The following BLTP3A variants were observed in gnomAD, a reference collection of about 807,000 sequenced individuals.
BLTP3A encodes bridge-like lipid transfer protein family member 3A.
the BLTP3A span, among the ~76,000 whole-genome samples, chr6:34,812,630 A>G: frequency 4.7e-4 from 72 of 151,870 alleles, no homozygotes; most frequent in African/African-American, 1.7e-3. Flanking sequence ...CATCCAGCTA[A>G]TTAATTTTTT....
the BLTP3A span, among the ~76,000 whole-genome samples, chr6:34,826,997 T>C: frequency 2.5e-3 from 387 of 152,166 alleles, 1 homozygote; most frequent in African/African-American, 8.2e-3. Context: ...TGTCCAATGC[T>C]AGGAAAAAGG....
chr6:34,857,512 T>A, the BLTP3A span: 1 of 1,597,004 alleles, frequency 6.3e-7, no homozygotes, highest in Non-Finnish European at 8.5e-7. Flanking sequence ...AGCTCATGCT[T>A]TTCCCATTTG....
At chr6:34,810,966 C>T in the BLTP3A span, among the ~76,000 whole-genome samples, 3 of 152,126 alleles carry the variant, frequency 2.0e-5, no homozygotes, top group Non-Finnish European at 2.9e-5. Context: ...ACATACCTAA[C>T]CTTTTCTTAA....
chr6:34,863,126 C>T, the BLTP3A span, among the ~76,000 whole-genome samples: 1 of 152,042 alleles, frequency 6.6e-6, no homozygotes, highest in African/African-American at 2.4e-5. Flanking sequence ...AGGCTGGTCT[C>T]GAACTCCTGG....
chr6:34,859,443 C>T, the BLTP3A span: 1 of 1,614,128 alleles, frequency 6.2e-7, no homozygotes, highest in African/African-American at 1.3e-5. Context: ...AGGATGCCAC[C>T]AAGGAGGCTC....
the BLTP3A span, among the ~76,000 whole-genome samples, chr6:34,794,518 G>A: frequency 3.9e-5 from 6 of 152,138 alleles, no homozygotes; most frequent in African/African-American, 1.4e-4. Context: ...TACGCAAACA[G>A]GTAATTTTTA....
chr6:34,851,552 A>G, the BLTP3A span, among the ~76,000 whole-genome samples: 1 of 152,164 alleles, frequency 6.6e-6, no homozygotes, highest in Non-Finnish European at 1.5e-5. Flanking sequence ...GGCCACCACC[A>G]CTGGTATTGT....
the BLTP3A span, among the ~76,000 whole-genome samples, chr6:34,851,052 C>T: frequency 6.6e-6 from 1 of 151,976 alleles, no homozygotes; most frequent in Non-Finnish European, 1.5e-5. Context: ...GGATAGGATT[C>T]CTAATTTTTT....
the BLTP3A span, among the ~76,000 whole-genome samples, chr6:34,818,958 A>G: frequency 6.6e-6 from 1 of 152,176 alleles, no homozygotes; most frequent in Non-Finnish European, 1.5e-5. Context: ...AAAGATACAT[A>G]TAGTGAAAAA....
the BLTP3A span, among the ~76,000 whole-genome samples, chr6:34,833,087 C>T: frequency 2.6e-5 from 4 of 152,138 alleles, no homozygotes; most frequent in Non-Finnish European, 5.9e-5. Flanking sequence ...TTGGGAAGCA[C>T]AGTTGATCCT....
chr6:34,849,480 G>C, the BLTP3A span, among the ~76,000 whole-genome samples: 2 of 152,086 alleles, frequency 1.3e-5, no homozygotes, highest in Non-Finnish European at 2.9e-5. Context: ...CATCTCCCTG[G>C]TTTTTAACTT....
the BLTP3A span, among the ~76,000 whole-genome samples, chr6:34,869,640 CTTTTTTTTTT>C: frequency 2.2e-4 from 18 of 81,520 alleles, no homozygotes; most frequent in African/African-American, 3.7e-4. Flanking sequence ...ACATACACCA[CTTTTTTTTTT>C]TTTTTTTTTT....
chr6:34,834,083 CAG>C, the BLTP3A span: 1 of 984,452 alleles, frequency 1.0e-6, no homozygotes, highest in Non-Finnish European at 1.5e-6. Flanking sequence ...GCTTGGGTAA[CAG>C]AGCAAGAACC....
the BLTP3A span, chr6:34,836,245 C>T: frequency 1.2e-6 from 2 of 1,614,214 alleles, no homozygotes; most frequent in East Asian, 2.2e-5. Flanking sequence ...GCAGCCGCCT[C>T]AGCCAGTACT....
At chr6:34,851,851 C>T in the BLTP3A span, among the ~76,000 whole-genome samples, 1 of 152,212 alleles carries the variant, frequency 6.6e-6, no homozygotes, top group Non-Finnish European at 1.5e-5. Flanking sequence ...GTCCTTCCCA[C>T]TCTTTCCCTT....
chr6:34,857,251 C>A, the BLTP3A span: 4 of 1,532,058 alleles, frequency 2.6e-6, no homozygotes, highest in Admixed American at 5.4e-5. Flanking sequence ...ATGGTAGAGG[C>A]TTTATGCTTC....
the BLTP3A span, chr6:34,792,105 AAG>A: frequency 1.5e-3 from 833 of 553,966 alleles, 4 homozygotes; most frequent in African/African-American, 0.026. Flanking sequence ...CAGGCGCCCA[AAG>A]AGGGGCGAGA....
chr6:34,844,962 T>C, the BLTP3A span, among the ~76,000 whole-genome samples: 1 of 152,238 alleles, frequency 6.6e-6, no homozygotes, highest in Non-Finnish European at 1.5e-5. Context: ...CCCAGTGTTT[T>C]CTTGTAGTAG....
At chr6:34,802,409 G>T in the BLTP3A span, among the ~76,000 whole-genome samples, 1 of 148,092 alleles carries the variant, frequency 6.8e-6, no homozygotes, top group Non-Finnish European at 1.5e-5. Flanking sequence ...TTGCCATGTT[G>T]CCCAGGCTGG....
Sources: gnomAD v4.1 joint callset for allele counts (sites outside exome capture counted in the v4.1 genomes callset) on GRCh38, gnomAD v4.1.1 for gene constraint, MANE v1.5 for transcripts, NCBI Gene and HGNC (gene_info 2026-07-23, HGNC 2026-07-21) for gene names.